Variants in STON1 observed in about 807,000 individuals in gnomAD.
The protein encoded by STON1 is stonin 1.
Under a neutral mutation model 60.9 loss-of-function variants are expected in STON1, and 79 were observed. That is an observed-to-expected ratio of 1.30 (90% CI 1.08 to 1.56). The LOEUF (loss-of-function observed/expected upper bound fraction) is 1.56, where lower values mean the gene tolerates loss of function less well. Ranked by LOEUF, STON1 falls within the 40% of genes most tolerant of loss-of-function variation. The pLI, the probability that STON1 is intolerant of heterozygous loss-of-function variation, is 0.00. For synonymous variants in STON1, 363 were observed against 306.9 expected (o/e 1.18, Z -1.91); for missense variants, 1,166 against 858.9 (o/e 1.36, Z -4.47).
chr2:48,533,649 C>G (rs1420564183), intron 1 of STON1, among the ~76,000 whole-genome samples: 1 of 34,296 alleles, frequency 2.9e-5, no homozygotes, highest in Non-Finnish European at 5.9e-5. Flanking sequence ...GCAACAAGAG[C>G]AAAACTCCGT....
chr2:48,542,316 A>G (rs1289192981), intron 1 of STON1, among the ~76,000 whole-genome samples: 4 of 152,202 alleles, frequency 2.6e-5, no homozygotes, highest in African/African-American at 9.6e-5. Context: ...TATCAGTGAC[A>G]ATGGGAAAGA....
At chr2:48,574,856 A>G (rs554423627) in intron 1 of STON1, among the ~76,000 whole-genome samples, 2 of 152,356 alleles carry the variant, frequency 1.3e-5, no homozygotes, top group Non-Finnish European at 2.9e-5. Flanking sequence ...GTTTTATTCA[A>G]TTGTGGTAAA....
intron 1 of STON1, among the ~76,000 whole-genome samples, chr2:48,572,862 C>G (rs1227304270): frequency 6.6e-6 from 1 of 152,216 alleles, no homozygotes; most frequent in Non-Finnish European, 1.5e-5. Context: ...ACCCTGCTCT[C>G]CCTGCTCTGA....
At chr2:48,541,836 C>A (rs891986212) in intron 1 of STON1, among the ~76,000 whole-genome samples, 1 of 151,994 alleles carries the variant, frequency 6.6e-6, no homozygotes, top group East Asian at 1.9e-4. Flanking sequence ...TAAATAATAC[C>A]GTGTGCCACT....
In STON1 at chr2:48,596,144, T is replaced by C. The variant is rs1354667008; in HGVS notation, c.*842T>C. 2.0e-5 allele frequency: 3 copies of C among 152,236 alleles called. No individual in the cohort carries two copies. Among genetic ancestry groups the C allele is most frequent in the Admixed American group, 6.5e-5 (1 of 15,282 alleles). 9.4% of individuals were successfully genotyped at this position (152,236 alleles called of 1,614,324 possible). A position where few individuals can be genotyped will look rare whatever the true frequency, so the allele number is the denominator to read the frequency against. ...AAAGTACAGACTCTAAGGACATATT[T>C]TGATAAAGTATTATTTGTAATGAAC... On this transcript the variant is annotated 3_prime_UTR_variant, in exon 4 of 4. Transcript: ENST00000404752.
chr2:48,549,897 G>A (rs1326126068), intron 1 of STON1, among the ~76,000 whole-genome samples: 1 of 151,694 alleles, frequency 6.6e-6, no homozygotes, highest in African/African-American at 2.4e-5. Flanking sequence ...GGTGGGTGGG[G>A]TGGTGGGACC....
At chr2:48,548,785 C>T (rs1206105810) in intron 1 of STON1, among the ~76,000 whole-genome samples, 1 of 152,216 alleles carries the variant, frequency 6.6e-6, no homozygotes, top group African/African-American at 2.4e-5. Flanking sequence ...CAGGCGTGAG[C>T]CACCATGCCC....
chr2:48,557,498 C>T (rs1334666659), intron 1 of STON1, among the ~76,000 whole-genome samples: 3 of 108,384 alleles, frequency 2.8e-5, no homozygotes, highest in African/African-American at 1.0e-4. Context: ...CGATGGGCGG[C>T]CAGGCAGAGA....
intron 2 of STON1, among the ~76,000 whole-genome samples, chr2:48,586,026 C>T (rs1329672325): frequency 1.3e-5 from 2 of 152,224 alleles, no homozygotes; most frequent in East Asian, 3.8e-4. Context: ...TCCTATTGCT[C>T]TACTTAGAGC....
intron 1 of STON1, chr2:48,530,962 T>C (rs1671187467): frequency 1.3e-5 from 2 of 152,272 alleles, no homozygotes; most frequent in Admixed American, 6.5e-5. Context: ...TCTTTTTATT[T>C]TTAACCCTTC....
chr2:48,585,960 G>A (rs1262444407), intron 2 of STON1, among the ~76,000 whole-genome samples: 1 of 152,268 alleles, frequency 6.6e-6, no homozygotes, highest in Non-Finnish European at 1.5e-5. Flanking sequence ...CTCAGGCTGT[G>A]GGCTTGCCCA....
chr2:48,543,634 C>A, intron 1 of STON1, among the ~76,000 whole-genome samples: 1 of 149,074 alleles, frequency 6.7e-6, no homozygotes. Context: ...TGGGTTCAAG[C>A]AATTTTCCTG....
chr2:48,570,196 A>G (rs1361162894), intron 1 of STON1, among the ~76,000 whole-genome samples: 1 of 152,164 alleles, frequency 6.6e-6, no homozygotes, highest in East Asian at 1.9e-4. Context: ...TTAGCAGGGC[A>G]TGGTGATGCA....
chr2:48,553,587 A>C (rs1433619615), intron 1 of STON1, among the ~76,000 whole-genome samples: 1 of 152,014 alleles, frequency 6.6e-6, no homozygotes, highest in Non-Finnish European at 1.5e-5. Context: ...TCCCGGGTTC[A>C]AGCGATTCTC....
chr2:48,578,969 C>T (rs1190204835), intron 1 of STON1, among the ~76,000 whole-genome samples: 1 of 151,472 alleles, frequency 6.6e-6, no homozygotes, highest in African/African-American at 2.4e-5. Context: ...TAGTTTCACT[C>T]TTTTGCATGT....
At chr2:48,582,686 G>A in intron 2 of STON1, 123 bp downstream of exon 2, 1 of 1,445,908 alleles carries the variant, frequency 6.9e-7, no homozygotes, top group Non-Finnish European at 9.2e-7. Context: ...GTGCTTTGGG[G>A]TAGGAGATGG....
intron 1 of STON1, among the ~76,000 whole-genome samples, chr2:48,563,510 A>G (rs1334752871): frequency 2.6e-5 from 4 of 152,196 alleles, no homozygotes; most frequent in Non-Finnish European, 1.5e-5. Context: ...AGAAGCTGCT[A>G]TAGGCACAGA....
At chr2:48,575,873 C>T (rs1428275405) in intron 1 of STON1, among the ~76,000 whole-genome samples, 1 of 150,302 alleles carries the variant, frequency 6.7e-6, no homozygotes, top group Non-Finnish European at 1.5e-5. Context: ...ATTCTCCTGC[C>T]TCAGCCTCCC....
Position 48,595,338 on chromosome 2 carries a change from A to G in STON1, c.*36A>G. 2 of 1,571,504 alleles carry G rather than the reference A, an allele frequency of 1.3e-6. No individual in the cohort carries two copies. Among genetic ancestry groups the G allele is most frequent in the Middle Eastern group, 1.7e-4 (1 of 5,960 alleles). Reference sequence around the variant, plus strand: ...AGTTTATGATGACAGCCCACTTGTCAAATATGTAATTCACCGAAACCACAC... The same window carrying G: ...AGTTTATGATGACAGCCCACTTGTCGAATATGTAATTCACCGAAACCACAC... On this transcript the variant is annotated 3_prime_UTR_variant, in exon 4 of 4. Coordinates refer to ENST00000404752, the MANE Select transcript of STON1 (RefSeq NM_006873.4).
Sources: gnomAD v4.1 joint callset for allele counts (sites outside exome capture counted in the v4.1 genomes callset) on GRCh38, gnomAD v4.1.1 for gene constraint, MANE v1.5 for transcripts, NCBI Gene and HGNC (gene_info 2026-07-23, HGNC 2026-07-21) for gene names.